CDH12: variants seen among roughly 807,000 people sequenced by gnomAD.
The protein encoded by CDH12 is cadherin-12.
CDH12 carries 41 observed loss-of-function variants against 74.1 expected under a neutral mutation model. The ratio of observed to expected loss-of-function variants is 0.55; its 90% confidence interval spans 0.43 to 0.72. The LOEUF (loss-of-function observed/expected upper bound fraction) is 0.72. Among genes scored for constraint, CDH12 ranks in the 30% least tolerant of loss-of-function variants. The probability of loss-of-function intolerance (pLI) is 0.00; values close to 1 mark genes in which losing one functional copy is unlikely to be tolerated. For synonymous variants in CDH12, 399 were observed against 355.0 expected (o/e 1.12, Z -1.39); for missense variants, 945 against 977.2 (o/e 0.97, Z 0.44).
chr5:22,609,772 G>T (rs1737301605), intron 1 of CDH12, among the ~76,000 whole-genome samples: 1 of 152,174 alleles, frequency 6.6e-6, no homozygotes. Flanking sequence ...TAAGTCTTCG[G>T]TAAAGTGTGT....
At chr5:22,750,303 T>G (rs1286646030) in intron 1 of CDH12, among the ~76,000 whole-genome samples, 1 of 152,126 alleles carries the variant, frequency 6.6e-6, no homozygotes, top group Non-Finnish European at 1.5e-5. Flanking sequence ...AATATCATGT[T>G]GAGAAAATTG....
At chr5:22,388,238 A>G (rs116448057) in intron 3 of CDH12, among the ~76,000 whole-genome samples, 1,835 of 152,144 alleles carry the variant, frequency 0.012, 37 homozygotes, top group African/African-American at 0.041. Flanking sequence ...TTACAAATGA[A>G]CTACACTACA....
At chr5:21,807,437 G>T (rs1342238965) in intron 9 of CDH12, among the ~76,000 whole-genome samples, 1 of 152,074 alleles carries the variant, frequency 6.6e-6, no homozygotes. Flanking sequence ...TGTGCAATGG[G>T]CAGGAAGAGC....
chr5:21,999,542 T>G (rs1218885793), intron 5 of CDH12, among the ~76,000 whole-genome samples: 1 of 152,164 alleles, frequency 6.6e-6, no homozygotes, highest in African/African-American at 2.4e-5. Context: ...AGATCATGTC[T>G]CTCAGAGTAC....
intron 1 of CDH12, among the ~76,000 whole-genome samples, chr5:22,594,723 T>C (rs756780947): frequency 2.0e-5 from 3 of 152,180 alleles, no homozygotes; most frequent in Non-Finnish European, 2.9e-5. Context: ...TATGTATTTA[T>C]ATTAACTTAA....
At chr5:22,680,508 T>C (rs1178902541) in intron 1 of CDH12, among the ~76,000 whole-genome samples, 3 of 152,060 alleles carry the variant, frequency 2.0e-5, no homozygotes, top group Non-Finnish European at 4.4e-5. Flanking sequence ...AAGGTGCTCA[T>C]AGCATGTTGA....
chr5:22,342,769 C>T lies in CDH12; in HGVS notation c.-333+62488G>A, dbSNP rs567141337. Among the ~76,000 whole-genome samples, 3 of 142,226 alleles carry T rather than the reference C, an allele frequency of 2.1e-5. No homozygotes were observed. The East Asian group carries it at 6.4e-4, about 30-fold the overall frequency. 93.3% of individuals were successfully genotyped at this position (142,226 alleles called of 152,430 possible). A position where few individuals can be genotyped will look rare whatever the true frequency, so the allele number is the denominator to read the frequency against. ...CCTTCCCTCCCTCCCTTCCTCCCTT[C>T]CTCACTTCCTTCCTTCCCTCCCTCC... On this transcript the variant is annotated intron_variant, in intron 3 of 14. Coordinates refer to ENST00000382254, the MANE Select transcript of CDH12 (RefSeq NM_004061.5).
At chr5:22,572,315 C>T (rs1468566246) in intron 1 of CDH12, among the ~76,000 whole-genome samples, 1 of 152,080 alleles carries the variant, frequency 6.6e-6, no homozygotes, top group Non-Finnish European at 1.5e-5. Flanking sequence ...GTATTGACTA[C>T]TGGTGGGTCA....
intron 4 of CDH12, among the ~76,000 whole-genome samples, chr5:22,180,749 T>A (rs13181805): frequency 0.37 from 55,809 of 151,812 alleles, 11,866 homozygotes; most frequent in East Asian, 0.73. Context: ...GATCTGTCTG[T>A]CTCAGCCTCC....
chr5:21,923,213 A>G (rs1754438225), intron 6 of CDH12, among the ~76,000 whole-genome samples: 1 of 152,172 alleles, frequency 6.6e-6, no homozygotes, highest in Admixed American at 6.6e-5. Flanking sequence ...GAGATTAGAA[A>G]GGACATTCCA....
intron 1 of CDH12, among the ~76,000 whole-genome samples, chr5:22,661,900 A>G (rs2126898982): frequency 6.6e-6 from 1 of 152,298 alleles, no homozygotes; most frequent in East Asian, 1.9e-4. Flanking sequence ...CAAATAAGAA[A>G]TAAGCATTTT....
At chr5:21,763,743 A>G (rs1284363762) in intron 12 of CDH12, among the ~76,000 whole-genome samples, 1 of 152,136 alleles carries the variant, frequency 6.6e-6, no homozygotes. Flanking sequence ...TTTAGGAGGA[A>G]AAAAATAAGA....
rs1171064623 is a variant in CDH12, at chr5:22,532,347, TAGG to T, written c.-522-26986_-522-26984del. On this transcript the variant is annotated intron_variant, in intron 1 of 14. Coordinates refer to ENST00000382254, the MANE Select transcript of CDH12 (RefSeq NM_004061.5). The stretch of plus-strand genomic sequence containing the variant: ...AGTTCTAACAGATAAATTATATAAA[TAGG>T]ATATATATATATATATATATATATA... 7.4e-4 allele frequency among the ~76,000 whole-genome samples: 9 copies of T among 12,158 alleles called. 2 individuals are homozygous for T. 8.0% of individuals were successfully genotyped at this position (12,158 alleles called of 152,430 possible).
intron 3 of CDH12, among the ~76,000 whole-genome samples, chr5:22,257,178 G>T (rs191152661): frequency 6.6e-6 from 1 of 152,192 alleles, no homozygotes; most frequent in East Asian, 1.9e-4. Flanking sequence ...TTCAGAAAGT[G>T]CAGAGTAAGA....
rs569704592 is a variant in CDH12 at position 22,326,893 on chromosome 5, T to G, written c.-333+78364A>C. Among the ~76,000 whole-genome samples, 17 of 152,368 alleles carry G rather than the reference T, an allele frequency of 1.1e-4. No individual in the cohort carries two copies. In the South Asian group the frequency reaches 3.1e-3, roughly 28 times the overall value. On this transcript the variant is annotated intron_variant, in intron 3 of 14. Coordinates refer to ENST00000382254, the MANE Select transcript of CDH12 (RefSeq NM_004061.5). ...GCTATATATATATTGTATGAAAGCC[T>G]GATTGTGAAAATATTTTTATCTATG... is the stretch of plus-strand genomic sequence containing the variant.
rs571269777 is a variant in CDH12 at position 22,607,705 on chromosome 5, G to GGGTC, written c.-522-102342_-522-102341insGACC. On this transcript the variant is annotated intron_variant, in intron 1 of 14. Transcript: ENST00000382254. ...CTAGGAGGGAAAAATGGTTTCATGGGCTGGGCCCAGGACCTTCTGCTGTGT... is the reference window on the plus strand; with the variant it reads ...CTAGGAGGGAAAAATGGTTTCATGGGGGTCCTGGGCCCAGGACCTTCTGCTGTGT... Among the ~76,000 whole-genome samples, 551 of 152,300 alleles carry GGGTC rather than the reference G, an allele frequency of 3.6e-3. 1 individual carries two copies. The highest frequency in any genetic ancestry group is 0.01 in the African/African-American group (424 of 41,580).
At chr5:22,342,774 C>T (rs942863128) in intron 3 of CDH12, among the ~76,000 whole-genome samples, 6 of 138,562 alleles carry the variant, frequency 4.3e-5, no homozygotes, top group African/African-American at 1.6e-4. Context: ...CCCTTCCTCA[C>T]TTCCTTCCTT....
intron 6 of CDH12, among the ~76,000 whole-genome samples, chr5:21,918,228 A>G (rs1461792661): frequency 1.3e-5 from 2 of 152,182 alleles, no homozygotes; most frequent in Admixed American, 1.3e-4. Context: ...TAATCACAGC[A>G]CACTGAAAAT....
At chr5:22,025,651 C>T (rs75642350) in intron 5 of CDH12, among the ~76,000 whole-genome samples, 6,080 of 152,178 alleles carry the variant, frequency 0.04, 410 homozygotes, top group African/African-American at 0.14. Flanking sequence ...ACAAGATGTT[C>T]CTCTAGCATG....
Sources: gnomAD v4.1 joint callset for allele counts (sites outside exome capture counted in the v4.1 genomes callset) on GRCh38, gnomAD v4.1.1 for gene constraint, MANE v1.5 for transcripts, NCBI Gene and HGNC (gene_info 2026-07-23, HGNC 2026-07-21) for gene names.